The following SEC14L1 variants were observed in gnomAD, a reference collection of about 807,000 sequenced individuals.
SEC14L1 encodes the protein SEC14-like protein 1.
Under a neutral mutation model 85.3 loss-of-function variants are expected in SEC14L1, and 48 were observed. That is an observed-to-expected ratio of 0.56 (90% CI 0.45 to 0.72). The LOEUF is 0.72. Ranked by LOEUF, SEC14L1 falls within the 30% of genes least tolerant of loss-of-function variation. SEC14L1 has a pLI of 0.00. For missense variants in SEC14L1, 682 were observed against 921.4 expected (o/e 0.74, Z 3.36); for synonymous variants, 391 against 355.5 (o/e 1.10, Z -1.12).
chr17:77,101,170 T>A (rs1366164292), intron 3 of SEC14L1, among the ~76,000 whole-genome samples: 2 of 152,012 alleles, frequency 1.3e-5, no homozygotes, highest in Non-Finnish European at 2.9e-5. Flanking sequence ...GTGTTAAGCA[T>A]ATAGTCCCTC....
At chr17:77,092,358 C>T (rs771773304) in intron 2 of SEC14L1, among the ~76,000 whole-genome samples, 10 of 152,042 alleles carry the variant, frequency 6.6e-5, no homozygotes, top group Non-Finnish European at 1.3e-4. Context: ...TATGGAACAA[C>T]AGGAAAGGAC....
rs189443849 is a variant in SEC14L1, at chr17:77,143,795, G to A, written c.63+136G>A. 1.2e-3 allele frequency: 636 copies of A among 546,088 alleles called. 2 individuals carry two copies. The highest frequency in any genetic ancestry group is 0.011 in the African/African-American group (577 of 51,436). The allele number at this position is 546,088 out of a possible 1,614,324, so 33.8% of individuals were successfully genotyped here. On this transcript the variant is annotated intron_variant, in intron 3 of 16. Coordinates refer to ENST00000436233, the MANE Select transcript of SEC14L1 (RefSeq NM_001143998.2). ...TACTCTGTTTTTATGCTTATGAACC[G>A]TATCTAGAGTGTGTAAAATGTTTTT...
intron 3 of SEC14L1, among the ~76,000 whole-genome samples, chr17:77,125,293 G>A (rs1180963260): frequency 1.3e-5 from 2 of 151,740 alleles, no homozygotes; most frequent in Non-Finnish European, 2.9e-5. Context: ...CACCTTGCCC[G>A]GACAGAATAA....
chr17:77,152,464 AG>A (rs1973604291), intron 3 of SEC14L1: 1 of 148,754 alleles, frequency 6.7e-6, no homozygotes, highest in Non-Finnish European at 1.5e-5. Flanking sequence ...TGAACCCAGG[AG>A]GCAGAGGTTG....
intron 3 of SEC14L1, among the ~76,000 whole-genome samples, chr17:77,188,994 G>GT (rs547303167): frequency 0.011 from 1,472 of 140,094 alleles, 13 homozygotes; most frequent in South Asian, 0.039. Context: ...CTCTTGAGTT[G>GT]TTTTTTTTTT....
At chr17:77,170,795 T>C (rs548556120) in intron 3 of SEC14L1, among the ~76,000 whole-genome samples, 89 of 152,356 alleles carry the variant, frequency 5.8e-4, no homozygotes, top group South Asian at 4.8e-3. Context: ...TGGTGTATGA[T>C]ATTCCCATTT....
At chr17:77,138,497 A>C (rs558939636), upstream of SEC14L1, among the ~76,000 whole-genome samples, 1 of 152,282 alleles carries the variant, frequency 6.6e-6, no homozygotes, top group Admixed American at 6.5e-5. Context: ...CTGTAATCCC[A>C]GCTACTCGGG....
chr17:77,136,734 C>T (rs1055054569), upstream of SEC14L1, among the ~76,000 whole-genome samples: 19 of 152,118 alleles, frequency 1.2e-4, no homozygotes, highest in Admixed American at 1.3e-4. Flanking sequence ...CCCTTTCCTC[C>T]GACTTGCTGG....
intron 2 of SEC14L1, among the ~76,000 whole-genome samples, chr17:77,092,293 G>A (rs1159309651): frequency 6.6e-6 from 1 of 152,152 alleles, no homozygotes; most frequent in African/African-American, 2.4e-5. Flanking sequence ...GGAATATAAA[G>A]AAAAGTATGG....
chr17:77,195,078 A>T (rs1365899115), intron 7 of SEC14L1, 167 bp downstream of exon 7: 1 of 589,468 alleles, frequency 1.7e-6, no homozygotes, highest in African/African-American at 1.9e-5. Flanking sequence ...TATGTAATAC[A>T]TTCATTTTAC....
At chr17:77,154,513 A>G (rs1973713067) in intron 3 of SEC14L1, among the ~76,000 whole-genome samples, 1 of 152,040 alleles carries the variant, frequency 6.6e-6, no homozygotes, top group Admixed American at 6.6e-5. Flanking sequence ...TAAAATGTAA[A>G]TGCCACTCCA....
intron 14 of SEC14L1, chr17:77,211,493 G>A: frequency 5.9e-6 from 1 of 170,542 alleles, no homozygotes. Context: ...GCCTCACACG[G>A]CAGGCCCGGT....
chr17:77,171,961 G>A (rs1974540440), intron 3 of SEC14L1, among the ~76,000 whole-genome samples: 1 of 152,092 alleles, frequency 6.6e-6, no homozygotes, highest in Non-Finnish European at 1.5e-5. Context: ...TTTAATTTTA[G>A]CATTAAATCT....
chr17:77,178,266 C>T (rs747493232), intron 3 of SEC14L1, among the ~76,000 whole-genome samples: 3 of 152,030 alleles, frequency 2.0e-5, no homozygotes, highest in Non-Finnish European at 4.4e-5. Context: ...TGCAAGAACA[C>T]GGCCTTCCAG....
At chr17:77,193,623 G>A in intron 6 of SEC14L1, 74 bp downstream of exon 6, 1 of 1,478,544 alleles carries the variant, frequency 6.8e-7, no homozygotes, top group Non-Finnish European at 9.3e-7. Flanking sequence ...TGGAAGGCTG[G>A]GGATGGCTTA....
intron 3 of SEC14L1, among the ~76,000 whole-genome samples, chr17:77,134,242 A>T (rs893989905): frequency 1.4e-5 from 2 of 146,114 alleles, no homozygotes; most frequent in African/African-American, 5.0e-5. Flanking sequence ...AACATGCAAC[A>T]CACACACACT....
intron 3 of SEC14L1, among the ~76,000 whole-genome samples, chr17:77,120,419 C>T (rs1972266817): frequency 6.6e-6 from 1 of 151,898 alleles, no homozygotes; most frequent in Non-Finnish European, 1.5e-5. Flanking sequence ...TTCTACTCCC[C>T]AACTAGGGAA....
upstream of SEC14L1, among the ~76,000 whole-genome samples, chr17:77,136,201 CTTTCTTTCTTTTTCT>C (rs968805936): frequency 6.6e-6 from 1 of 150,576 alleles, no homozygotes; most frequent in African/African-American, 2.5e-5. Flanking sequence ...TTCTCTTTTG[CTTTCTTTCTTTTTCT>C]TTTCTTTCTT....
rs558154913 is a variant in SEC14L1 at position 77,161,209 on chromosome 17, AGTC to A, written c.63+17551_63+17553del. 7.9e-5 allele frequency among the ~76,000 whole-genome samples: 12 copies of A among 152,366 alleles called. No homozygotes were observed. In the East Asian group the frequency reaches 2.1e-3, roughly 27 times the overall value. ...AACGTTATAATAAAAATAACTGGCC[AGTC>A]AAGGTGGCTCACGCCTATAATCCCA... On this transcript the variant is annotated intron_variant, in intron 3 of 16. Coordinates refer to ENST00000436233, the MANE Select transcript of SEC14L1 (RefSeq NM_001143998.2).
Sources: allele counts gnomAD v4.1 joint callset (sites outside exome capture counted in the v4.1 genomes callset), GRCh38; gene constraint gnomAD v4.1.1; transcripts MANE v1.5; gene names NCBI Gene and HGNC (gene_info 2026-07-23, HGNC 2026-07-21).